Variants in PCDHA2 observed in about 807,000 individuals in gnomAD.
PCDHA2 encodes protocadherin alpha-2.
A neutral mutation model predicts 66.0 loss-of-function variants in PCDHA2; 58 were observed. The ratio of observed to expected loss-of-function variants is 0.88; its 90% CI spans 0.71 to 1.09. The LOEUF (loss-of-function observed/expected upper bound fraction) is 1.09, where lower values mean the gene tolerates loss of function less well. PCDHA2 is among the 50% of genes least tolerant of loss of function. The probability of loss-of-function intolerance (pLI) is 0.00; values close to 1 mark genes in which losing one functional copy is unlikely to be tolerated. For synonymous variants in PCDHA2, 634 were observed against 554.0 expected (o/e 1.14, Z -2.03); for missense variants, 1,267 against 1,242.3 (o/e 1.02, Z -0.30).
chr5:140,892,507 C>T (rs1261497068), intron 1 of PCDHA2, among the ~76,000 whole-genome samples: 1 of 152,162 alleles, frequency 6.6e-6, no homozygotes, highest in Non-Finnish European at 1.5e-5. Context: ...TTAAGAAGTT[C>T]CACCATGACT....
chr5:140,847,542 C>T (rs1442885551), intron 1 of PCDHA2: 1 of 149,324 alleles, frequency 6.7e-6, no homozygotes, highest in African/African-American at 2.5e-5. Flanking sequence ...TCAAGCATAG[C>T]TTTAAAAACA....
intron 1 of PCDHA2, chr5:140,876,266 A>T: frequency 6.2e-7 from 1 of 1,614,012 alleles, no homozygotes; most frequent in South Asian, 1.1e-5. Context: ...ATCCAACTAA[A>T]TGCTTCCGAT....
intron 1 of PCDHA2, among the ~76,000 whole-genome samples, chr5:140,838,279 A>AT (rs1775640988): frequency 3.2e-5 from 2 of 62,672 alleles, no homozygotes; most frequent in Non-Finnish European, 5.9e-5. Context: ...AAGCCATGCT[A>AT]ATTTTTTTTT....
At chr5:140,883,003 C>A in intron 1 of PCDHA2, 5 of 1,614,050 alleles carry the variant, frequency 3.1e-6, no homozygotes, top group Non-Finnish European at 4.2e-6. Flanking sequence ...TTTACCAATC[C>A]GTTTATAAAG....
At position 140,982,527 on chromosome 5, in the gene PCDHA2, G is replaced by A. The variant is rs2096986081; in HGVS notation, c.2500G>A (p.Asp834Asn). ...TCTACGGGCTGGTCCAGGAGGGCCT[G>A]ATCAGCAGTGGCCAACAGTATCCAG... is the stretch of plus-strand genomic sequence containing the variant. ...GILRAGPGGP[D>N]QQWPTVSSAT... is the part of the protein sequence containing the mutation. Residue 834 changes from aspartate to asparagine, a missense_variant, in exon 3 of 4, where the codon GAT becomes AAT. By Grantham distance (23) the Asp-to-Asn change is conservative. Coordinates refer to ENST00000526136, the MANE Select transcript of PCDHA2 (RefSeq NM_018905.3). 1 of 1,614,218 alleles carries A rather than the reference G, an allele frequency of 6.2e-7. No individual in the cohort carries two copies. Among genetic ancestry groups the A allele is most frequent in the Admixed American group, 1.7e-5 (1 of 60,034 alleles).
chr5:140,830,895 T>C (rs2150190281), intron 1 of PCDHA2: 4 of 152,692 alleles, frequency 2.6e-5, no homozygotes, highest in Non-Finnish European at 2.9e-5. Flanking sequence ...GTATCACTTA[T>C]GTTTTTACAC....
chr5:140,989,775 C>G (rs1286076429), intron 3 of PCDHA2, among the ~76,000 whole-genome samples: 1 of 152,178 alleles, frequency 6.6e-6, no homozygotes, highest in Non-Finnish European at 1.5e-5. Flanking sequence ...CAAGCACTGG[C>G]TAGAGACTAG....
At chr5:140,870,178 C>A (rs2051730547) in intron 1 of PCDHA2, 6 of 1,614,096 alleles carry the variant, frequency 3.7e-6, no homozygotes, top group Non-Finnish European at 5.1e-6. Flanking sequence ...CCTCCCAGTA[C>A]GAGAGGACGC....
intron 1 of PCDHA2, chr5:140,870,468 A>G: frequency 1.2e-6 from 2 of 1,614,214 alleles, no homozygotes; most frequent in Non-Finnish European, 8.5e-7. Flanking sequence ...CTGCGTTCGC[A>G]CAGCCCGAGT....
At chr5:140,930,413 G>A (rs1461655739) in intron 1 of PCDHA2, 1 of 151,722 alleles carries the variant, frequency 6.6e-6, no homozygotes, top group Non-Finnish European at 1.5e-5. Flanking sequence ...TTTGAGACAG[G>A]GGTCTCACTA....
intron 1 of PCDHA2, chr5:140,807,047 C>A: frequency 9.8e-7 from 1 of 1,020,448 alleles, no homozygotes; most frequent in Non-Finnish European, 1.4e-6. Context: ...AAAATTCCTT[C>A]TATTCTTACT....
intron 1 of PCDHA2, among the ~76,000 whole-genome samples, chr5:140,805,889 C>T (rs1763646423): frequency 6.6e-6 from 1 of 152,036 alleles, no homozygotes; most frequent in Non-Finnish European, 1.5e-5. Flanking sequence ...TGGAAGGAAG[C>T]AAACATTTTC....
rs999939821 is a variant in PCDHA2, at chr5:140,972,909, G to A, written c.2389-6040G>A. ...GATCTCTTGACCTTGTGATCCACCC[G>A]CCTTGGCCTCCCAAAGTGCTGGGAT... is the stretch of plus-strand genomic sequence containing the variant. On this transcript the variant is annotated intron_variant, in intron 1 of 3. Transcript: ENST00000526136. 5.3e-4 allele frequency among the ~76,000 whole-genome samples: 80 copies of A among 152,056 alleles called. 1 individual carries two copies. Among genetic ancestry groups the A allele is most frequent in the African/African-American group, 1.8e-3 (75 of 41,484 alleles).
chr5:140,884,002 C>A (rs1189374158), intron 1 of PCDHA2: 1 of 1,612,906 alleles, frequency 6.2e-7, no homozygotes, highest in Admixed American at 1.7e-5. Flanking sequence ...GCACAGTGAG[C>A]GAGCTGATGC....
intron 1 of PCDHA2, chr5:140,827,994 C>G: frequency 6.8e-7 from 1 of 1,473,020 alleles, no homozygotes; most frequent in Non-Finnish European, 9.1e-7. Flanking sequence ...TGAATGATGG[C>G]GGACGCAGAA....
chr5:140,797,533 C>G, intron 1 of PCDHA2, 181 bp downstream of exon 1: 1 of 769,010 alleles, frequency 1.3e-6, no homozygotes, highest in Middle Eastern at 3.9e-4. Flanking sequence ...TTTAAACAAT[C>G]TACATAACTG....
In PCDHA2 at chr5:140,883,587, G is replaced by C. The variant is rs1554178846; in HGVS notation, c.2388+86235G>C. ...TCGCCTTCGCTGTGGGCCACGGCCA[G>C]CGTGTCGGTGGGGGTGGCCGACGTG... On this transcript the variant is annotated intron_variant, in intron 1 of 3. Coordinates refer to ENST00000526136, the MANE Select transcript of PCDHA2 (RefSeq NM_018905.3). 6.2e-7 allele frequency: 1 copy of C among 1,614,030 alleles called. No individual in the cohort carries two copies. Among genetic ancestry groups the C allele is most frequent in the Non-Finnish European group, 8.5e-7 (1 of 1,179,946 alleles).
At chr5:140,941,150 G>T (rs894422349) in intron 1 of PCDHA2, among the ~76,000 whole-genome samples, 1 of 151,436 alleles carries the variant, frequency 6.6e-6, no homozygotes, top group Non-Finnish European at 1.5e-5. Context: ...TAGTTTGGAG[G>T]CCCCATAAGA....
intron 1 of PCDHA2, among the ~76,000 whole-genome samples, chr5:140,906,513 G>A (rs1398874448): frequency 1.3e-5 from 2 of 152,176 alleles, no homozygotes; most frequent in Non-Finnish European, 2.9e-5. Context: ...AAAGAAGGAG[G>A]AAATACTCAC....
Sources: allele counts gnomAD v4.1 joint callset (sites outside exome capture counted in the v4.1 genomes callset), GRCh38; gene constraint gnomAD v4.1.1; transcripts MANE v1.5; gene names NCBI Gene and HGNC (gene_info 2026-07-23, HGNC 2026-07-21).